The following FAM114A1 variants were observed in gnomAD, a reference collection of about 807,000 sequenced individuals.
FAM114A1 encodes the protein protein NOXP20.
Under a neutral mutation model 64.3 loss-of-function variants are expected in FAM114A1, and 62 were observed. The observed-to-expected ratio is 0.96, with a 90% CI of 0.79 to 1.19. The LOEUF (loss-of-function observed/expected upper bound fraction) is 1.19, where lower values mean the gene tolerates loss of function less well. Ranked by LOEUF, FAM114A1 falls within the 50% of genes most tolerant of loss-of-function variation. The pLI is 0.00. For synonymous variants in FAM114A1, 254 were observed against 251.1 expected, an observed-to-expected ratio of 1.01 and a Z score of -0.11; for missense variants, 645 against 676.3, an observed-to-expected ratio of 0.95 and a Z score of 0.51.
At chr4:38,887,401 T>C (rs910379426) in intron 3 of FAM114A1, among the ~76,000 whole-genome samples, 2 of 152,240 alleles carry the variant, frequency 1.3e-5, no homozygotes, top group Admixed American at 1.3e-4. Context: ...TTAAACTGCA[T>C]TTATAATATA....
intron 4 of FAM114A1, among the ~76,000 whole-genome samples, chr4:38,895,632 C>T (rs1000715165): frequency 5.9e-5 from 9 of 152,122 alleles, no homozygotes; most frequent in Non-Finnish European, 8.8e-5. Flanking sequence ...ATCTTGGGGC[C>T]GTCTCTCAAT....
chr4:38,935,077 G>A (rs538733082), intron 12 of FAM114A1, among the ~76,000 whole-genome samples: 5 of 152,028 alleles, frequency 3.3e-5, no homozygotes, highest in Non-Finnish European at 5.9e-5. Flanking sequence ...ACCACGCCCA[G>A]CTAATTTTTT....
At chr4:38,935,130 T>C (rs922953048) in intron 12 of FAM114A1, among the ~76,000 whole-genome samples, 1 of 152,172 alleles carries the variant, frequency 6.6e-6, no homozygotes, top group African/African-American at 2.4e-5. Flanking sequence ...TTGGTCAGGC[T>C]GGTCTTGAAC....
chr4:38,935,634 G>A (rs1256248954), intron 12 of FAM114A1, 84 bp from the exon 13 acceptor site: 1 of 923,220 alleles, frequency 1.1e-6, no homozygotes, highest in Admixed American at 2.6e-5. Flanking sequence ...ATGTCATACT[G>A]AATTAGTATC....
At chr4:38,871,789 CAT>C (rs1392080953) in intron 2 of FAM114A1, among the ~76,000 whole-genome samples, 2 of 152,202 alleles carry the variant, frequency 1.3e-5, no homozygotes, top group Non-Finnish European at 2.9e-5. Flanking sequence ...TAAACCCACA[CAT>C]GTATTAGCAA....
At chr4:38,931,411 T>A in intron 10 of FAM114A1, 40 bp from the exon 11 acceptor site, 1 of 1,564,454 alleles carries the variant, frequency 6.4e-7, no homozygotes, top group Non-Finnish European at 8.6e-7. Context: ...GTTTCCATAT[T>A]TGCGCCATAA....
intron 2 of FAM114A1, among the ~76,000 whole-genome samples, chr4:38,870,002 A>G (rs912987804): frequency 4.6e-5 from 7 of 151,694 alleles, no homozygotes; most frequent in Non-Finnish European, 8.8e-5. Flanking sequence ...TGGAGTTTGG[A>G]AAAAAAAGCA....
intron 3 of FAM114A1, 107 bp from the exon 4 acceptor site, chr4:38,891,636 T>C: frequency 1.1e-6 from 1 of 901,992 alleles, no homozygotes; most frequent in Non-Finnish European, 1.7e-6. Context: ...TAGATACGGT[T>C]GTTGGTGATT....
rs142866182 is a variant in FAM114A1, at chr4:38,935,655, G to A, written c.1464-63G>A. Reference sequence around the variant, plus strand: ...TACTGAATTAGTATCAGAAATGGTCGTGACAGTTAAATTATTTTACCTTAT... The same window carrying A: ...TACTGAATTAGTATCAGAAATGGTCATGACAGTTAAATTATTTTACCTTAT... On this transcript the variant is annotated intron_variant, in intron 12 of 14. Transcript: ENST00000358869. 9.9e-4 allele frequency: 1,158 copies of A among 1,175,412 alleles called. 13 individuals are homozygous for A. In the African/African-American group the frequency reaches 0.017, roughly 17 times the overall value. The allele number at this position is 1,175,412 out of a possible 1,614,324, so 72.8% of individuals were successfully genotyped here. A position where few individuals can be genotyped will look rare whatever the true frequency, so the allele number is the denominator to read the frequency against.
intron 4 of FAM114A1, among the ~76,000 whole-genome samples, chr4:38,903,440 C>T (rs996155127): frequency 6.6e-6 from 1 of 152,188 alleles, no homozygotes; most frequent in Non-Finnish European, 1.5e-5. Flanking sequence ...GCAAAGAAGA[C>T]AGAGAAGATG....
chr4:38,886,172 C>CTT (rs36090599), intron 3 of FAM114A1, among the ~76,000 whole-genome samples: 18 of 137,414 alleles, frequency 1.3e-4, no homozygotes, highest in African/African-American at 3.5e-4. Context: ...AGATAAGCAC[C>CTT]TTTTTTTTTT....
At chr4:38,913,357 A>G (rs2109712660) in intron 7 of FAM114A1, among the ~76,000 whole-genome samples, 1 of 152,296 alleles carries the variant, frequency 6.6e-6, no homozygotes, top group Admixed American at 6.5e-5. Flanking sequence ...TCACAGTCAT[A>G]TTTCTGGAAA....
Position 38,913,497 on chromosome 4 carries a change from G to A in FAM114A1, c.793-1424G>A, listed in dbSNP as rs7669596. 4.9e-3 allele frequency among the ~76,000 whole-genome samples: 748 copies of A among 152,042 alleles called. 8 individuals carry two copies. The highest frequency in any genetic ancestry group is 0.017 in the African/African-American group (699 of 41,514). On this transcript the variant is annotated intron_variant, in intron 7 of 14. Transcript: ENST00000358869. ...CACTGCGCCTCCGGGTTCAACCTCC[G>A]CCTCTCCTGCCTCAGCCTCCTGAGT...
chr4:38,923,224 C>CTTT (rs55688191), intron 9 of FAM114A1, among the ~76,000 whole-genome samples: 11,289 of 131,636 alleles, frequency 0.086, 686 homozygotes, highest in Middle Eastern at 0.23. Context: ...TATGCTGCCA[C>CTTT]TTTTTTTTTT....
chr4:38,941,167 G>C, intron 14 of FAM114A1, 146 bp downstream of exon 14: 2 of 668,806 alleles, frequency 3.0e-6, no homozygotes, highest in Middle Eastern at 7.3e-4. Context: ...AATTTGTGTA[G>C]CTCAACCAGC....
At position 38,868,448 on chromosome 4, in the gene FAM114A1, C is replaced by G. The variant is rs566995000; in HGVS notation, c.-107C>G. Reference sequence around the variant, plus strand: ...CAGTCCAGCCAACACTCTAAGCAGGCACCGCCTCCACTCGCAGCCCCCGGG... The same window carrying G: ...CAGTCCAGCCAACACTCTAAGCAGGGACCGCCTCCACTCGCAGCCCCCGGG... On this transcript the variant is annotated 5_prime_UTR_variant, in exon 2 of 15. Transcript: ENST00000358869. The G allele has an allele frequency of 6.5e-6, 1 of 152,782 alleles. No homozygotes were observed. Among genetic ancestry groups the G allele is most frequent in the Non-Finnish European group, 1.5e-5 (1 of 68,448 alleles). The allele number at this position is 152,782 out of a possible 1,614,324, so 9.5% of individuals were successfully genotyped here.
intron 6 of FAM114A1, among the ~76,000 whole-genome samples, chr4:38,906,920 A>G (rs71641391): frequency 2.6e-5 from 4 of 152,236 alleles, no homozygotes; most frequent in Admixed American, 2.6e-4. Context: ...AAGAAAAACA[A>G]CAACACAAAC....
chr4:38,941,503 C>G (rs924781812), intron 14 of FAM114A1, among the ~76,000 whole-genome samples: 3 of 152,216 alleles, frequency 2.0e-5, no homozygotes, highest in Non-Finnish European at 4.4e-5. Flanking sequence ...TCCTCTGTGA[C>G]TTCTCACTCT....
At chr4:38,926,537 C>T (rs759537347) in intron 9 of FAM114A1, among the ~76,000 whole-genome samples, 2 of 151,942 alleles carry the variant, frequency 1.3e-5, no homozygotes, top group African/African-American at 4.8e-5. Context: ...TCACTTCAAC[C>T]TCCGCCCTCC....
Sources: gnomAD v4.1 joint callset for allele counts (sites outside exome capture counted in the v4.1 genomes callset) on GRCh38, gnomAD v4.1.1 for gene constraint, MANE v1.5 for transcripts, NCBI Gene and HGNC (gene_info 2026-07-23, HGNC 2026-07-21) for gene names.